IL1RAPL2: variants seen among roughly 807,000 people sequenced by gnomAD.
The protein encoded by IL1RAPL2 is interleukin 1 receptor accessory protein like 2.
IL1RAPL2 carries 3 observed loss-of-function variants against 44.1 expected under a neutral mutation model. The ratio of observed to expected loss-of-function variants is 0.07; its 90% CI spans 0.03 to 0.18. The LOEUF (loss-of-function observed/expected upper bound fraction) is 0.18, where lower values mean the gene tolerates loss of function less well. Ranked by LOEUF, IL1RAPL2 falls within the 10% of genes least tolerant of loss-of-function variation. The pLI is 1.00. For missense variants in IL1RAPL2, 391 were observed against 496.4 expected (o/e 0.79, Z 2.02); for synonymous variants, 181 against 178.8 (o/e 1.01, Z -0.10).
intron 6 of IL1RAPL2, among the ~76,000 whole-genome samples, chrX:105,504,369 T>C (rs769255679): frequency 9.0e-6 from 1 of 111,448 alleles, no homozygotes; most frequent in Admixed American, 9.6e-5. Context: ...AATTGGGCCT[T>C]ATTTGAAGTA....
At chrX:105,045,606 G>A (rs1224901493) in intron 2 of IL1RAPL2, among the ~76,000 whole-genome samples, 1 of 111,508 alleles carries the variant, frequency 9.0e-6, no homozygotes, top group African/African-American at 3.3e-5. Flanking sequence ...GGAGTGCAGT[G>A]GTGTGATCAT....
intron 5 of IL1RAPL2, among the ~76,000 whole-genome samples, chrX:105,355,607 A>G (rs137958261): frequency 9.0e-6 from 1 of 111,619 alleles, no homozygotes; most frequent in East Asian, 2.8e-4. Context: ...GTTGCTCACC[A>G]TTGCATTCAA....
At chrX:105,719,805 A>G (rs1177702471) in intron 7 of IL1RAPL2, among the ~76,000 whole-genome samples, 1 of 111,446 alleles carries the variant, frequency 9.0e-6, no homozygotes, top group East Asian at 2.8e-4. Flanking sequence ...TCAGAAATAA[A>G]TAATGGATAT....
chrX:104,658,806 A>C, intron 1 of IL1RAPL2, 89 bp from the exon 2 acceptor site: 1 of 570,568 alleles, frequency 1.8e-6, no homozygotes, highest in Non-Finnish European at 3.0e-6. Flanking sequence ...TCTCTAATGG[A>C]GTTTTGAAAA....
intron 5 of IL1RAPL2, among the ~76,000 whole-genome samples, chrX:105,311,537 A>G (rs918311564): frequency 6.5e-5 from 7 of 108,360 alleles, no homozygotes; most frequent in Admixed American, 1.0e-4. Flanking sequence ...TACTTATAAA[A>G]TATGGAAACT....
chrX:105,651,075 G>A (rs2037639494), intron 6 of IL1RAPL2, among the ~76,000 whole-genome samples: 1 of 111,794 alleles, frequency 8.9e-6, no homozygotes, highest in African/African-American at 3.2e-5. Flanking sequence ...AGCTTTAATT[G>A]TGTGACTATT....
At chrX:105,043,163 T>G (rs992468983) in intron 2 of IL1RAPL2, among the ~76,000 whole-genome samples, 5 of 108,396 alleles carry the variant, frequency 4.6e-5, no homozygotes, top group African/African-American at 1.3e-4. Context: ...CACCAACATG[T>G]CACATGTATA....
chrX:104,928,246 G>C (rs1316810693), intron 2 of IL1RAPL2, among the ~76,000 whole-genome samples: 2 of 111,299 alleles, frequency 1.8e-5, no homozygotes, highest in Non-Finnish European at 3.8e-5. Context: ...TCAAATTGTA[G>C]ATCTTATTAA....
intron 5 of IL1RAPL2, among the ~76,000 whole-genome samples, chrX:105,472,302 C>T (rs1244530311): frequency 9.0e-6 from 1 of 111,699 alleles, no homozygotes; most frequent in Non-Finnish European, 1.9e-5. Flanking sequence ...TCACAGCTGA[C>T]TAAATGCTTA....
intron 6 of IL1RAPL2, among the ~76,000 whole-genome samples, chrX:105,602,435 A>T (rs12688112): frequency 9.0e-6 from 1 of 111,287 alleles, no homozygotes; most frequent in Non-Finnish European, 1.9e-5. Flanking sequence ...TCCTGGACAG[A>T]TAGGACACCA....
At chrX:105,632,477 A>G (rs578102174) in intron 6 of IL1RAPL2, among the ~76,000 whole-genome samples, 6 of 111,431 alleles carry the variant, frequency 5.4e-5, no homozygotes, top group African/African-American at 2.0e-4. Context: ...CATCAAGAGG[A>G]AAGTCAAAGT....
chrX:105,530,485 A>G (rs988073051), intron 6 of IL1RAPL2, among the ~76,000 whole-genome samples: 4 of 110,847 alleles, frequency 3.6e-5, no homozygotes, highest in Non-Finnish European at 7.6e-5. Context: ...GTATACATCT[A>G]TGGGGTACAT....
chrX:104,820,720 T>C (rs1460222711), intron 2 of IL1RAPL2, among the ~76,000 whole-genome samples: 2 of 112,381 alleles, frequency 1.8e-5, no homozygotes, highest in Non-Finnish European at 3.7e-5. Flanking sequence ...TAAATGCCTA[T>C]AGACAAATAT....
intron 1 of IL1RAPL2, among the ~76,000 whole-genome samples, chrX:104,610,126 G>A (rs763907460): frequency 1.0e-4 from 11 of 109,587 alleles, no homozygotes; most frequent in East Asian, 8.6e-4. Flanking sequence ...TTGATGGGAC[G>A]TATCTCAAAA....
chrX:104,646,980 A>G (rs1384611958), intron 1 of IL1RAPL2, among the ~76,000 whole-genome samples: 3 of 112,017 alleles, frequency 2.7e-5, no homozygotes. Context: ...CTTCAACCTT[A>G]GACTTTATCC....
At chrX:104,981,002 T>G (rs2030426190) in intron 2 of IL1RAPL2, among the ~76,000 whole-genome samples, 1 of 110,672 alleles carries the variant, frequency 9.0e-6, no homozygotes, top group Non-Finnish European at 1.9e-5. Context: ...CAGTGTTTTG[T>G]ACCTTTCTGT....
At chrX:104,795,371 G>C (rs148378622) in intron 2 of IL1RAPL2, among the ~76,000 whole-genome samples, 190 of 110,290 alleles carry the variant, frequency 1.7e-3, no homozygotes, top group African/African-American at 5.8e-3. Context: ...TTGTTTTCAT[G>C]AAGGAAAAAT....
At chrX:105,188,246 T>C (rs1404724489) in intron 2 of IL1RAPL2, among the ~76,000 whole-genome samples, 2 of 110,409 alleles carry the variant, frequency 1.8e-5, no homozygotes, top group Non-Finnish European at 3.8e-5. Flanking sequence ...GTGGGGCAGA[T>C]TTGGTAGGGG....
intron 5 of IL1RAPL2, among the ~76,000 whole-genome samples, chrX:105,407,966 A>G (rs925562708): frequency 1.8e-5 from 2 of 111,997 alleles, no homozygotes; most frequent in African/African-American, 3.2e-5. Context: ...ATTTAATTCA[A>G]ATACCAAATA....
Sources: gnomAD v4.1 joint callset for allele counts (sites outside exome capture counted in the v4.1 genomes callset) on GRCh38, gnomAD v4.1.1 for gene constraint, MANE v1.5 for transcripts, NCBI Gene and HGNC (gene_info 2026-07-23, HGNC 2026-07-21) for gene names.